RPA1: variants seen among roughly 807,000 people sequenced by gnomAD.
RPA1 encodes the protein replication protein A 70 kDa DNA-binding subunit.
RPA1 carries 49 observed loss-of-function variants against 83.0 expected under a neutral mutation model. The ratio of observed to expected loss-of-function variants is 0.59; its 90% confidence interval spans 0.47 to 0.75. The LOEUF is 0.75. RPA1 is among the 30% of genes least tolerant of loss of function. RPA1 has a pLI of 0.00. For missense variants in RPA1, 693 were observed against 776.1 expected (o/e 0.89, Z 1.27); for synonymous variants, 279 against 281.8 (o/e 0.99, Z 0.10).
At chr17:1,895,175 G>C in intron 16 of RPA1, 80 bp downstream of exon 16, 3 of 1,148,832 alleles carry the variant, frequency 2.6e-6, no homozygotes, top group Non-Finnish European at 3.9e-6. Flanking sequence ...ACACTCCCTG[G>C]CAGGGAGTTA....
At chr17:1,878,810 A>G (rs1429207631) in intron 8 of RPA1, among the ~76,000 whole-genome samples, 183 bp from the exon 9 acceptor site, 1 of 152,098 alleles carries the variant, frequency 6.6e-6, no homozygotes, top group East Asian at 1.9e-4. Context: ...TCAGTGTGTG[A>G]CTGTAAAATG....
chr17:1,839,897 A>G (rs1368388333), intron 1 of RPA1, among the ~76,000 whole-genome samples: 3 of 146,654 alleles, frequency 2.0e-5, no homozygotes, highest in South Asian at 2.1e-4. Context: ...GATGCAAACA[A>G]TCCTCCTGCC....
rs1021008957 is a variant in RPA1, at chr17:1,899,871, T to A, written c.*2696T>A. The A allele has an allele frequency of 6.6e-6, 1 of 152,196 alleles. No individual in the cohort carries two copies. The highest frequency in any genetic ancestry group is 1.5e-5 in the Non-Finnish European group (1 of 68,044). The allele number at this position is 152,196 out of a possible 1,614,324, so 9.4% of individuals were successfully genotyped here. Reference sequence around the variant, plus strand: ...TGTTAGAAGGCCACTATTCCCCTAGTAAACTGATTGTTTCCTTGTCTCAAA... The same window carrying A: ...TGTTAGAAGGCCACTATTCCCCTAGAAAACTGATTGTTTCCTTGTCTCAAA... On this transcript the variant is annotated 3_prime_UTR_variant, in exon 17 of 17. Transcript: ENST00000254719.
At chr17:1,853,239 A>G (rs960180273) in intron 5 of RPA1, 50 bp downstream of exon 5, 11 of 1,348,650 alleles carry the variant, frequency 8.2e-6, no homozygotes, top group Non-Finnish European at 8.5e-6. Flanking sequence ...ACCTCTTTAT[A>G]TATTCGGAGT....
chr17:1,863,363 C>T (rs1238240136), intron 5 of RPA1, among the ~76,000 whole-genome samples: 1 of 151,968 alleles, frequency 6.6e-6, no homozygotes, highest in African/African-American at 2.4e-5. Flanking sequence ...AGGTGCCCGC[C>T]ACCACACTCA....
intron 5 of RPA1, chr17:1,858,532 C>T (rs1287063676): frequency 1.1e-4 from 86 of 754,316 alleles, no homozygotes; most frequent in Middle Eastern, 3.7e-4. Flanking sequence ...GGCACAATCT[C>T]GGCTCACTGC....
chr17:1,852,060 G>A (rs1307576186), intron 4 of RPA1, among the ~76,000 whole-genome samples: 1 of 152,148 alleles, frequency 6.6e-6, no homozygotes, highest in Non-Finnish European at 1.5e-5. Flanking sequence ...TCAGGCCTCT[G>A]TCATTTTGTC....
At chr17:1,857,438 C>G (rs1379385005) in intron 5 of RPA1, among the ~76,000 whole-genome samples, 1 of 151,846 alleles carries the variant, frequency 6.6e-6, no homozygotes, top group African/African-American at 2.4e-5. Flanking sequence ...GTGTCCAAAG[C>G]TATATATTTT....
At chr17:1,856,660 T>C (rs1033318646) in intron 5 of RPA1, among the ~76,000 whole-genome samples, 1 of 151,278 alleles carries the variant, frequency 6.6e-6, no homozygotes, top group Non-Finnish European at 1.5e-5. Flanking sequence ...TTTATTTTTA[T>C]TTAATTTTTA....
At chr17:1,864,999 T>A (rs1244273401) in intron 5 of RPA1, among the ~76,000 whole-genome samples, 2 of 152,220 alleles carry the variant, frequency 1.3e-5, no homozygotes, top group Non-Finnish European at 2.9e-5. Context: ...CTGTCTTCGT[T>A]TTCCTACCTG....
chr17:1,896,493 T>C (rs988233337), intron 16 of RPA1, among the ~76,000 whole-genome samples: 25 of 148,212 alleles, frequency 1.7e-4, no homozygotes, highest in African/African-American at 6.2e-4. Flanking sequence ...AGATAGGGGA[T>C]CAGATGTCAC....
rs761552962 is a variant in RPA1 at position 1,880,665 on chromosome 17, C to T, written c.1215C>T (p.Ile405=). Residue 405 remains isoleucine (I), a synonymous_variant, in exon 12 of 17, where the codon ATC becomes ATT. Transcript: ENST00000254719. The part of the protein sequence containing the change: ...SSSTIIANPD[I]PEAYKLRGWF... ...GCACTATCATTGCGAATCCTGACAT[C>T]CCAGAGGCCTATAAGCTTCGTGGAT... The T allele has an allele frequency of 3.1e-6, 5 of 1,613,814 alleles. No homozygotes were observed. The East Asian group carries it at 6.7e-5, about 22-fold the overall frequency.
intron 1 of RPA1, among the ~76,000 whole-genome samples, chr17:1,831,890 T>C (rs544098809): frequency 0.011 from 1,441 of 137,056 alleles, 14 homozygotes; most frequent in African/African-American, 0.016. Flanking sequence ...TGAGCCACTG[T>C]GCCCGGCCTT....
rs180899362 is a variant in RPA1, at chr17:1,863,901, T to C, written c.362-8533T>C. On this transcript the variant is annotated intron_variant, in intron 5 of 16. Transcript: ENST00000254719. ...TCATGAATATTTGGAAAAAAATTTG[T>C]GATATAATTTATAGAAAAGAAATGT... Among the ~76,000 whole-genome samples, 11 of 152,344 alleles carry C rather than the reference T, an allele frequency of 7.2e-5. No individual in the cohort carries two copies. In the East Asian group the frequency reaches 1.9e-3, roughly 27 times the overall value.
Position 1,878,974 on chromosome 17 carries a change from T to C in RPA1, c.691-19T>C, listed in dbSNP as rs1913666795. 2 of 1,614,030 alleles carry C rather than the reference T, an allele frequency of 1.2e-6. No individual in the cohort carries two copies. The highest frequency in any genetic ancestry group is 1.7e-6 in the Non-Finnish European group (2 of 1,179,960). On this transcript the variant is annotated intron_variant, in intron 8 of 16. Transcript: ENST00000254719. ...TGTGTTCAATCCCGCAGCCCTAACCTGCCCACGTGCTTCTGCAGGGTGAAA... is the reference window on the plus strand; with the variant it reads ...TGTGTTCAATCCCGCAGCCCTAACCCGCCCACGTGCTTCTGCAGGGTGAAA...
chr17:1,874,056 C>T (rs1299242651), intron 6 of RPA1, among the ~76,000 whole-genome samples: 3 of 146,550 alleles, frequency 2.0e-5, no homozygotes, highest in Non-Finnish European at 4.5e-5. Context: ...CACACACACA[C>T]ACACACACTT....
At position 1,875,718 on chromosome 17, in the gene RPA1, C is replaced by T. The variant is rs745936678; in HGVS notation, c.512C>T (p.Pro171Leu). The T allele has an allele frequency of 5.6e-6, 9 of 1,614,036 alleles. No individual in the cohort carries two copies. Among genetic ancestry groups the T allele is most frequent in the Admixed American group, 1.7e-5 (1 of 59,988 alleles). ...AAGACATTTGGAAAAGCTGCAGGTCCCAGCCTGTCACACACTTCTGGGGGA... is the reference window on the plus strand; with the variant it reads ...AAGACATTTGGAAAAGCTGCAGGTCTCAGCCTGTCACACACTTCTGGGGGA... ...ASKTFGKAAG[P>L]SLSHTSGGTQ... Residue 171 changes from proline to leucine, a missense_variant, in exon 7 of 17, where the codon CCC (proline) becomes CTC (leucine). Transcript: ENST00000254719.
chr17:1,832,095 A>AT (rs1292377758), intron 1 of RPA1, among the ~76,000 whole-genome samples: 4 of 150,868 alleles, frequency 2.7e-5, no homozygotes, highest in Non-Finnish European at 5.9e-5. Flanking sequence ...CACCTGCGTA[A>AT]TTTTTTGTAT....
rs1251101473 is a variant in RPA1 at position 1,859,797 on chromosome 17, ATTTTATTTTGTT to A, written c.361+6617_361+6628del. Among the ~76,000 whole-genome samples, 17 of 152,072 alleles carry A rather than the reference ATTTTATTTTGTT, an allele frequency of 1.1e-4. No individual in the cohort carries two copies. In the South Asian group the frequency reaches 3.5e-3, roughly 32 times the overall value. ...AGGCATGTGCCACCACGCCCAGCTA[ATTTTATTTTGTT>A]TTTTATTTATTTATTTATTTTTGAG... On this transcript the variant is annotated intron_variant, in intron 5 of 16. Coordinates refer to ENST00000254719, the MANE Select transcript of RPA1 (RefSeq NM_002945.5).
Sources: gnomAD v4.1 joint callset for allele counts (sites outside exome capture counted in the v4.1 genomes callset) on GRCh38, gnomAD v4.1.1 for gene constraint, MANE v1.5 for transcripts, NCBI Gene and HGNC (gene_info 2026-07-23, HGNC 2026-07-21) for gene names.